The following CELF3 variants were observed in gnomAD, a reference collection of about 807,000 sequenced individuals.
The protein encoded by CELF3 is CUGBP Elav-like family member 3, also known as CAG repeat domain.
In CELF3, 26 loss-of-function variants were observed where a neutral mutation model predicts 59.6. The observed-to-expected ratio is 0.44, with a 90% CI of 0.32 to 0.61. The LOEUF (loss-of-function observed/expected upper bound fraction) is 0.61. Among genes scored for constraint, CELF3 ranks in the 20% least tolerant of loss-of-function variants. The pLI is 0.06. For synonymous variants in CELF3, 245 were observed against 250.7 expected (o/e 0.98, Z 0.22); for missense variants, 387 against 627.2 (o/e 0.62, Z 4.09).
chr1:151,708,973 C>G, intron 5 of CELF3, 25 bp downstream of exon 5: 2 of 1,609,240 alleles, frequency 1.2e-6, no homozygotes, highest in Non-Finnish European at 1.7e-6. Context: ...AAGGAGAGGC[C>G]CGGGGGCAGG....
chr1:151,711,596 C>T (rs1673025117), intron 2 of CELF3, among the ~76,000 whole-genome samples: 1 of 152,252 alleles, frequency 6.6e-6, no homozygotes, highest in African/African-American at 2.4e-5. Flanking sequence ...CATGTGTGTG[C>T]GGGTGCGCAT....
chr1:151,709,552 C>A lies in CELF3; in HGVS notation c.277+191G>T. 1.1e-6 allele frequency: 1 copy of A among 920,240 alleles called. No homozygotes were observed. The highest frequency in any genetic ancestry group is 1.7e-6 in the Non-Finnish European group (1 of 594,972). 57.0% of individuals were successfully genotyped at this position (920,240 alleles called of 1,614,324 possible). ...TGAGGGACTCGCACTCCACCCTGGG[C>A]CTCAGTTTTGCCATCTGTACCCGCC... On this transcript the variant is annotated intron_variant, in intron 3 of 12. Transcript: ENST00000290583. This position sits in a 1 kb window ranked among gnomAD's most constrained non-coding sequence, Gnocchi z 4.9.
Position 151,709,879 on chromosome 1 carries a change from GGGGCAA to G in CELF3, c.229-94_229-89del. The G allele has an allele frequency of 7.8e-7, 1 of 1,285,048 alleles. No individual in the cohort carries two copies. Among genetic ancestry groups the G allele is most frequent in the Non-Finnish European group, 1.1e-6 (1 of 880,170 alleles). 79.6% of individuals were successfully genotyped at this position (1,285,048 alleles called of 1,614,324 possible). On this transcript the variant is annotated intron_variant, in intron 2 of 12. Transcript: ENST00000290583. The surrounding 1 kb of genome is among the most constrained non-coding windows in gnomAD (Gnocchi z 4.9). The stretch of plus-strand genomic sequence containing the variant: ...GGCCAGGCCCTGCAGAGAGACTAGA[GGGGCAA>G]GCCCCAGGCCCTCTAAGTTTCTGAT...
Position 151,709,292 on chromosome 1 carries a change from G to A in CELF3, c.334C>T (p.Arg112Trp), listed in dbSNP as rs775852399. 28 of 1,613,930 alleles carry A rather than the reference G, an allele frequency of 1.7e-5. No homozygotes were observed. Among genetic ancestry groups the A allele is most frequent in the Admixed American group, 1.2e-4 (7 of 59,998 alleles). ...GTCCCGAAGGGCTCAAACATCTTCCGGACGTCCTCATCTGTCTGCTGCTTC... is the reference window on the plus strand; with the variant it reads ...GTCCCGAAGGGCTCAAACATCTTCCAGACGTCCTCATCTGTCTGCTGCTTC... ...LGKQQTDEDV[R>W]KMFEPFGTID... The change falls in exon 4 of 13, where the codon CGG becomes TGG. Residue 112 changes from arginine (R) to tryptophan (W), a missense_variant. Physicochemically the swap from Arg to Trp is moderately radical, Grantham distance 101. This residue lies in a region of CELF3 where 208 missense variants were observed against 354.8 expected (regional missense o/e 0.59). Coordinates refer to ENST00000290583, the MANE Select transcript of CELF3 (RefSeq NM_007185.7). This position sits in a 1 kb window ranked among gnomAD's most constrained non-coding sequence, Gnocchi z 4.9.
intron 2 of CELF3, among the ~76,000 whole-genome samples, chr1:151,712,700 T>C (rs1464905666): frequency 1.3e-5 from 2 of 152,202 alleles, no homozygotes; most frequent in Non-Finnish European, 2.9e-5. Flanking sequence ...CCAGCCCCCA[T>C]TCTTTCTCTT....
Position 151,716,036 on chromosome 1 carries a change from G to C in CELF3, c.-16C>G. On this transcript the variant is annotated 5_prime_UTR_variant, in exon 1 of 13. Coordinates refer to ENST00000290583, the MANE Select transcript of CELF3 (RefSeq NM_007185.7). ...GCTCCTTCATTGAGGCGGCCCAGGA[G>C]GAGGGGCCGAGGGGAGCAGGGAGAG... is the stretch of plus-strand genomic sequence containing the variant. The C allele has an allele frequency of 3.1e-6, 5 of 1,604,782 alleles. No individual in the cohort carries two copies. Among genetic ancestry groups the C allele is most frequent in the Non-Finnish European group, 4.3e-6 (5 of 1,174,876 alleles).
rs1672482181 is a variant in CELF3 at position 151,705,983 on chromosome 1, C to G, written c.1127-18G>C. On this transcript the variant is annotated intron_variant, in intron 10 of 12. Transcript: ENST00000290583. The surrounding 1 kb of genome is among the most constrained non-coding windows in gnomAD (Gnocchi z 5.1). ...ATCAGGGCCTGGGTGGCGACAGAGA[C>G]AGAAGAAAGAGCTCAGTGACTGGGA... 3 of 1,613,238 alleles carry G rather than the reference C, an allele frequency of 1.9e-6. No homozygotes were observed. Among genetic ancestry groups the G allele is most frequent in the South Asian group, 1.1e-5 (1 of 90,992 alleles).
rs766580540 is a variant in CELF3, at chr1:151,709,035, G to A, written c.449C>T (p.Ala150Val). ...VKFQTHAEAQ[A>V]AINTLHSSRT... ...GCTGCTGTGAAGGGTGTTGATGGCCGCCTGGGCCTCAGCGTGGGTCTGGAA... is the reference window on the plus strand; with the variant it reads ...GCTGCTGTGAAGGGTGTTGATGGCCACCTGGGCCTCAGCGTGGGTCTGGAA... Residue 150 changes from alanine to valine, a missense_variant, in exon 5 of 13, where the codon GCG (alanine) becomes GTG (valine). Physicochemically the swap from Ala to Val is moderately conservative, Grantham distance 64. Transcript: ENST00000290583. This position sits in a 1 kb window ranked among gnomAD's most constrained non-coding sequence, Gnocchi z 4.9. The A allele has an allele frequency of 8.1e-6, 13 of 1,613,890 alleles. No homozygotes were observed. The highest frequency in any genetic ancestry group is 3.3e-5 in the South Asian group (3 of 91,078).
At position 151,706,350 on chromosome 1, in the gene CELF3, C is replaced by G. The variant is rs368857006; in HGVS notation, c.1000G>C (p.Ala334Pro). ...GMQHYTAAYPAAYSLVAPAFP... is the reference protein window; with the variant it reads ...GMQHYTAAYPPAYSLVAPAFP... ...GCAGGTGCAACCAGGCTGTAGGCTG[C>G]TGGGTAGGCTGCTGGGGTGGGGAGA... Residue 334 changes from alanine (A) to proline (P), a missense_variant, in exon 10 of 13, where the codon GCA becomes CCA. Ala to Pro is a conservative substitution (Grantham distance 27). Transcript: ENST00000290583. 12 of 1,548,962 alleles carry G rather than the reference C, an allele frequency of 7.7e-6. No homozygotes were observed. In the African/African-American group the frequency reaches 1.6e-4, roughly 21 times the overall value.
At position 151,700,208 on chromosome 1, in the gene CELF3, G is replaced by T. The variant is rs1266625090; in HGVS notation, c.*3251C>A. On this transcript the variant is annotated 3_prime_UTR_variant, in exon 13 of 13. Transcript: ENST00000290583. The stretch of plus-strand genomic sequence containing the variant: ...ACAGAAGAATGAGACACTTACGCAT[G>T]GCCATGATACACAGCAGTGAAAGGT... Among the ~76,000 whole-genome samples, 1 of 152,146 alleles carries T rather than the reference G, an allele frequency of 6.6e-6. No homozygotes were observed. The highest frequency in any genetic ancestry group is 2.4e-5 in the African/African-American group (1 of 41,414).
At chr1:151,713,983 C>T (rs1483052698) in intron 2 of CELF3, among the ~76,000 whole-genome samples, 5 of 152,202 alleles carry the variant, frequency 3.3e-5, no homozygotes, top group African/African-American at 1.2e-4. Flanking sequence ...TCTACAATGT[C>T]TGTCCCTGCC....
At chr1:151,715,761 A>G in intron 1 of CELF3, 115 bp downstream of exon 1, 1 of 1,596,922 alleles carries the variant, frequency 6.3e-7, no homozygotes. Context: ...CTCAGGCCTG[A>G]ACTCTTCTCC....
rs186937540 is a variant in CELF3 at position 151,709,520 on chromosome 1, C to G, written c.278-172G>C. On this transcript the variant is annotated intron_variant, in intron 3 of 12. Transcript: ENST00000290583. The surrounding 1 kb of genome is among the most constrained non-coding windows in gnomAD (Gnocchi z 4.9). ...GGTATAGTTGCAGAGGGTGCTCATC[C>G]CAGCTCTGAGGGACTCGCACTCCAC... 305 of 1,045,898 alleles carry G rather than the reference C, an allele frequency of 2.9e-4. No individual in the cohort carries two copies. Among genetic ancestry groups the G allele is most frequent in the Non-Finnish European group, 3.9e-4 (278 of 704,162 alleles). 64.8% of individuals were successfully genotyped at this position (1,045,898 alleles called of 1,614,324 possible).
At chr1:151,710,983 TGGTG>T (rs1382600842) in intron 2 of CELF3, 10 of 380,304 alleles carry the variant, frequency 2.6e-5, no homozygotes, top group Non-Finnish European at 5.2e-5. Flanking sequence ...ACTCATCTGA[TGGTG>T]GGGCAGTAGT....
In CELF3 at chr1:151,705,511, A is replaced by G. The variant is rs552300564; in HGVS notation, c.1270+311T>C. Among the ~76,000 whole-genome samples the G allele has an allele frequency of 7.4e-4, 113 of 152,272 alleles. No homozygotes were observed. The highest frequency in any genetic ancestry group is 1.3e-3 in the Non-Finnish European group (89 of 68,018). On this transcript the variant is annotated intron_variant, in intron 11 of 12. Transcript: ENST00000290583. The surrounding 1 kb of genome is among the most constrained non-coding windows in gnomAD (Gnocchi z 5.1). ...TCTCCCCTGAGGAAGACTTTCAAAG[A>G]TGTGAAGGCAGCTAAAACCGACTCC...
Position 151,716,676 on chromosome 1 carries a change from T to TC in CELF3, c.-657dup. 4 of 43,980 alleles carry TC rather than the reference T, an allele frequency of 9.1e-5. No individual in the cohort carries two copies. Among genetic ancestry groups the TC allele is most frequent in the South Asian group, 2.3e-4 (2 of 8,730 alleles). 2.7% of individuals were successfully genotyped at this position (43,980 alleles called of 1,614,324 possible). On this transcript the variant is annotated 5_prime_UTR_variant, in exon 1 of 13. Coordinates refer to ENST00000290583, the MANE Select transcript of CELF3 (RefSeq NM_007185.7). ...CTTCAGGTCCTCCCCTCAGCCCCCC[T>TC]CCCACCCCCACCCCAGTCCCCGGGC...
In CELF3 at chr1:151,701,638, G is replaced by T. The variant is rs1383743594; in HGVS notation, c.*1821C>A. ...TAAAATTATATCCTACCTAGGCTGG[G>T]CGTGGTGGCTCATGCCTGTAATCTG... On this transcript the variant is annotated 3_prime_UTR_variant, in exon 13 of 13. Transcript: ENST00000290583. 6.6e-6 allele frequency among the ~76,000 whole-genome samples: 1 copy of T among 152,174 alleles called. No homozygotes were observed. Among genetic ancestry groups the T allele is most frequent in the Admixed American group, 6.5e-5 (1 of 15,274 alleles).
At position 151,709,158 on chromosome 1, in the gene CELF3, G is replaced by T. The variant is rs1672804118; in HGVS notation, c.406+62C>A. ...CGCGGTGGAACCCGATGCCTAGGGAGTCTTGGGGGTGGAACAGGAAGGGGA... is the reference window on the plus strand; with the variant it reads ...CGCGGTGGAACCCGATGCCTAGGGATTCTTGGGGGTGGAACAGGAAGGGGA... On this transcript the variant is annotated intron_variant, in intron 4 of 12. Transcript: ENST00000290583. The surrounding 1 kb of genome is among the most constrained non-coding windows in gnomAD (Gnocchi z 4.9). 1 of 1,607,520 alleles carries T rather than the reference G, an allele frequency of 6.2e-7. No individual in the cohort carries two copies. Among genetic ancestry groups the T allele is most frequent in the African/African-American group, 1.3e-5 (1 of 74,956 alleles).
At chr1:151,706,002 A>G (rs1202263237) in intron 10 of CELF3, 37 bp from the exon 11 acceptor site, 1 of 1,611,520 alleles carries the variant, frequency 6.2e-7, no homozygotes, top group Non-Finnish European at 8.5e-7. Context: ...GAGCTCAGTG[A>G]CTGGGAGGCA....
Sources: allele counts gnomAD v4.1 joint callset (sites outside exome capture counted in the v4.1 genomes callset), GRCh38; gene constraint gnomAD v4.1.1; regional missense constraint gnomAD v4.1.1; non-coding constraint Gnocchi (gnomAD v3.1); transcripts MANE v1.5; gene names NCBI Gene and HGNC (gene_info 2026-07-23, HGNC 2026-07-21).